Variants in UHRF1 observed in about 807,000 individuals in gnomAD.
UHRF1 encodes E3 ubiquitin-protein ligase UHRF1.
A neutral mutation model predicts 96.5 loss-of-function variants in UHRF1; 9 were observed. The ratio of observed to expected loss-of-function variants is 0.09; its 90% CI spans 0.06 to 0.16. The LOEUF (loss-of-function observed/expected upper bound fraction) is 0.16. Ranked by LOEUF, UHRF1 falls within the 10% of genes least tolerant of loss-of-function variation. UHRF1 has a pLI of 1.00. For synonymous variants in UHRF1, 455 were observed against 469.9 expected, an observed-to-expected ratio of 0.97 and a Z score of 0.41; for missense variants, 626 against 1,131.1, an observed-to-expected ratio of 0.55 and a Z score of 6.40.
In UHRF1 at chr19:4,930,542, T is replaced by C. The variant is rs2033014491; in HGVS notation, c.409-174T>C. On this transcript the variant is annotated intron_variant, in intron 3 of 16. Transcript: ENST00000650932. This position sits in a 1 kb window ranked among gnomAD's most constrained non-coding sequence, Gnocchi z 4.4. The stretch of plus-strand genomic sequence containing the variant: ...CCTGGCCCCGCATCCCCGTCACCCC[T>C]GCCGGGGCTGGTTTCTCATGGTCAG... Among the ~76,000 whole-genome samples, 1 of 152,226 alleles carries C rather than the reference T, an allele frequency of 6.6e-6. No individual in the cohort carries two copies. Among genetic ancestry groups the C allele is most frequent in the Admixed American group, 6.5e-5 (1 of 15,286 alleles).
rs748814833 is a variant in UHRF1 at position 4,954,326 on chromosome 19, C to G, written c.1819-24C>G. The stretch of plus-strand genomic sequence containing the variant: ...GCGTGTGGGCCCCAAGCCTGACTCA[C>G]GGCTGTCCCTCTTCCTCCTGAAGTA... On this transcript the variant is annotated intron_variant, in intron 13 of 16. Transcript: ENST00000650932. This position sits in a 1 kb window ranked among gnomAD's most constrained non-coding sequence, Gnocchi z 5.9. 3 of 1,607,886 alleles carry G rather than the reference C, an allele frequency of 1.9e-6. No homozygotes were observed. The highest frequency in any genetic ancestry group is 2.5e-6 in the Non-Finnish European group (3 of 1,178,126).
chr19:4,927,474 T>C (rs1007526790), intron 2 of UHRF1, among the ~76,000 whole-genome samples: 2 of 151,938 alleles, frequency 1.3e-5, no homozygotes, highest in Non-Finnish European at 2.9e-5. Context: ...AAAGAAAGCC[T>C]GCAGAGAAGG....
Position 4,930,835 on chromosome 19 carries a change from G to A in UHRF1, c.528G>A (p.Pro176=), listed in dbSNP as rs761909606. ...RDEPCSSTSR[P]ALEEDVIYHV... ...AGCCCTGCAGCTCCACGTCCAGGCCGGCGCTGGAGGAGGACGTCATTTACC... is the reference window on the plus strand; with the variant it reads ...AGCCCTGCAGCTCCACGTCCAGGCCAGCGCTGGAGGAGGACGTCATTTACC... The change falls in exon 4 of 17, where the codon CCG becomes CCA. Residue 176 remains proline, a synonymous_variant. Coordinates refer to ENST00000650932, the MANE Select transcript of UHRF1 (RefSeq NM_001048201.3). The surrounding 1 kb of genome is among the most constrained non-coding windows in gnomAD (Gnocchi z 4.4). 15 of 1,613,852 alleles carry A rather than the reference G, an allele frequency of 9.3e-6. No individual in the cohort carries two copies. The highest frequency in any genetic ancestry group is 1.1e-5 in the South Asian group (1 of 91,086).
At chr19:4,956,908 G>C in intron 16 of UHRF1, 95 bp downstream of exon 16, 1 of 910,234 alleles carries the variant, frequency 1.1e-6, no homozygotes, top group Non-Finnish European at 1.8e-6. Context: ...ACAGAGGCTT[G>C]TTGGCTTTGC....
chr19:4,910,017 G>T, intron 1 of UHRF1: 1 of 178,370 alleles, frequency 5.6e-6, no homozygotes. Context: ...GGAGCATCTG[G>T]GCCAATGGGG....
At chr19:4,913,515 A>G (rs1302862476) in intron 2 of UHRF1, among the ~76,000 whole-genome samples, 2 of 152,072 alleles carry the variant, frequency 1.3e-5, no homozygotes, top group Non-Finnish European at 2.9e-5. Flanking sequence ...TCCGTCTCCC[A>G]AAGTGCTGGG....
chr19:4,922,533 G>A (rs1568411696), intron 2 of UHRF1, among the ~76,000 whole-genome samples: 1 of 152,222 alleles, frequency 6.6e-6, no homozygotes, highest in Non-Finnish European at 1.5e-5. Flanking sequence ...CTCCCCAAGT[G>A]CTGGGATTAC....
intron 4 of UHRF1, 168 bp from the exon 5 acceptor site, chr19:4,932,573 C>A (rs2033086816): frequency 2.9e-6 from 2 of 689,410 alleles, no homozygotes; most frequent in Non-Finnish European, 4.9e-6. Context: ...AATTTTGTAC[C>A]TGGAATGTGC....
chr19:4,910,772 T>C (rs974116035), intron 1 of UHRF1, 104 bp from the exon 2 acceptor site: 3 of 1,383,484 alleles, frequency 2.2e-6, no homozygotes, highest in South Asian at 3.3e-5. Context: ...GGGAGTTTCC[T>C]GGTGTCCACA....
At chr19:4,935,297 G>A (rs2033182735) in intron 5 of UHRF1, among the ~76,000 whole-genome samples, 1 of 152,076 alleles carries the variant, frequency 6.6e-6, no homozygotes, top group South Asian at 2.1e-4. Flanking sequence ...CAGTTCCCCT[G>A]CACACACTCC....
chr19:4,938,978 A>G (rs1014849283), intron 5 of UHRF1, among the ~76,000 whole-genome samples: 1 of 151,230 alleles, frequency 6.6e-6, no homozygotes, highest in Non-Finnish European at 1.5e-5. Flanking sequence ...CAGTGGCACG[A>G]TCTTGGTTCC....
chr19:4,943,054 A>G (rs898886541), intron 7 of UHRF1, among the ~76,000 whole-genome samples: 1 of 151,694 alleles, frequency 6.6e-6, no homozygotes, highest in Non-Finnish European at 1.5e-5. Context: ...CCTGGCCAAG[A>G]TGGTGAAACC....
chr19:4,960,614 A>C, intron 16 of UHRF1, 43 bp from the exon 17 acceptor site: 1 of 1,602,900 alleles, frequency 6.2e-7, no homozygotes, highest in Non-Finnish European at 8.5e-7. Flanking sequence ...AGCAAACCTG[A>C]TGGTGTGGAT....
chr19:4,955,221 G>A (rs1034204041), intron 15 of UHRF1, among the ~76,000 whole-genome samples: 6 of 152,168 alleles, frequency 3.9e-5, no homozygotes, highest in Non-Finnish European at 5.9e-5. Context: ...CTGGGAGCCC[G>A]ACATGGGCCT....
At chr19:4,938,873 A>G (rs2033299141) in intron 5 of UHRF1, among the ~76,000 whole-genome samples, 1 of 146,922 alleles carries the variant, frequency 6.8e-6, no homozygotes, top group African/African-American at 2.5e-5. Context: ...CCTCCCACGT[A>G]GCTGGGACCA....
chr19:4,914,881 C>G (rs1465890455), intron 2 of UHRF1, among the ~76,000 whole-genome samples: 1 of 152,272 alleles, frequency 6.6e-6, no homozygotes, highest in Middle Eastern at 3.4e-3. Context: ...GGAGTGAGCC[C>G]TGTGCCAGGC....
At chr19:4,947,013 AG>A (rs1425385826) in intron 10 of UHRF1, 91 bp from the exon 11 acceptor site, 1 of 966,598 alleles carries the variant, frequency 1.0e-6, no homozygotes, top group African/African-American at 1.7e-5. Context: ...TTTCTTTGAA[AG>A]TAGCCATCCT....
chr19:4,917,076 G>C (rs1478584235), intron 2 of UHRF1, among the ~76,000 whole-genome samples: 2 of 151,670 alleles, frequency 1.3e-5, no homozygotes, highest in Middle Eastern at 3.2e-3. Context: ...TCGGTGGGGG[G>C]GGGGGGTGCA....
rs372599824 is a variant in UHRF1 at position 4,929,198 on chromosome 19, C to T, written c.154-24C>T. The T allele has an allele frequency of 3.7e-5, 59 of 1,597,972 alleles. No individual in the cohort carries two copies. The African/African-American group carries it at 5.5e-4, about 15-fold the overall frequency. ...CACTTGGCATTTGGTGGCTAAACAG[C>T]GTCTGCCTCTGGTGTCCCTGCAGAT... On this transcript the variant is annotated intron_variant, in intron 2 of 16. Coordinates refer to ENST00000650932, the MANE Select transcript of UHRF1 (RefSeq NM_001048201.3).
Sources: gnomAD v4.1 joint callset for allele counts (sites outside exome capture counted in the v4.1 genomes callset) on GRCh38, gnomAD v4.1.1 for gene constraint, Gnocchi (gnomAD v3.1) non-coding constraint, MANE v1.5 for transcripts, NCBI Gene and HGNC (gene_info 2026-07-23, HGNC 2026-07-21) for gene names.